Variants in ADK observed in about 807,000 individuals in gnomAD.
ADK encodes adenosine kinase.
In ADK, 24 loss-of-function variants were observed where a neutral mutation model predicts 44.7. The observed-to-expected ratio is 0.54, with a 90% CI of 0.39 to 0.76. The LOEUF (loss-of-function observed/expected upper bound fraction) is 0.76. Among genes scored for constraint, ADK ranks in the 30% least tolerant of loss-of-function variants. The pLI is 0.00. For missense variants in ADK, 321 were observed against 425.1 expected (o/e 0.76, Z 2.15); for synonymous variants, 128 against 142.6 (o/e 0.90, Z 0.73).
At chr10:74,394,695 G>A (rs1843447882) in intron 5 of ADK, among the ~76,000 whole-genome samples, 1 of 152,082 alleles carries the variant, frequency 6.6e-6, no homozygotes, top group Non-Finnish European at 1.5e-5. Flanking sequence ...GAGAGAGAGA[G>A]ACAGAGAGAC....
chr10:74,216,717 T>C (rs1339111252), intron 2 of ADK, among the ~76,000 whole-genome samples: 2 of 104,790 alleles, frequency 1.9e-5, no homozygotes, highest in Admixed American at 1.0e-4. Context: ...AGAGTGAAAC[T>C]CTGTCTCAAA....
In ADK at chr10:74,367,761, T is replaced by G. The variant is rs189517728; in HGVS notation, c.274-26380T>G. Among the ~76,000 whole-genome samples the G allele has an allele frequency of 1.3e-3, 201 of 152,338 alleles. 1 individual carries two copies. Among genetic ancestry groups the G allele is most frequent in the Middle Eastern group, 6.8e-3 (2 of 294 alleles). On this transcript the variant is annotated intron_variant, in intron 4 of 10. Transcript: ENST00000539909. ...CAATGCGTATTTAGTGCCATATTAATCACATTTTTTGTTGTTGATTTTTCT... is the reference window on the plus strand; with the variant it reads ...CAATGCGTATTTAGTGCCATATTAAGCACATTTTTTGTTGTTGATTTTTCT...
chr10:74,702,429 C>T (rs1423678298), intron 10 of ADK, among the ~76,000 whole-genome samples: 3 of 151,374 alleles, frequency 2.0e-5, no homozygotes, highest in Non-Finnish European at 4.4e-5. Context: ...TGATCCGCCC[C>T]CCTCGGCCTC....
intron 7 of ADK, among the ~76,000 whole-genome samples, chr10:74,536,487 A>AG: frequency 6.6e-6 from 1 of 151,838 alleles, no homozygotes; most frequent in East Asian, 1.9e-4. Flanking sequence ...CTGGTAAAAA[A>AG]AAAATACACA....
At chr10:74,237,269 A>G (rs1268992026) in intron 3 of ADK, among the ~76,000 whole-genome samples, 1 of 152,206 alleles carries the variant, frequency 6.6e-6, no homozygotes, top group Admixed American at 6.5e-5. Flanking sequence ...CTTCACCAGG[A>G]GTACATTCCA....
chr10:74,287,843 A>C (rs922462711), intron 3 of ADK, among the ~76,000 whole-genome samples: 1 of 151,502 alleles, frequency 6.6e-6, no homozygotes, highest in Admixed American at 6.6e-5. Context: ...TTAGCTGGGC[A>C]TGGTGGTACA....
At chr10:74,494,969 G>T (rs1847630402) in intron 6 of ADK, among the ~76,000 whole-genome samples, 1 of 152,194 alleles carries the variant, frequency 6.6e-6, no homozygotes, top group East Asian at 1.9e-4. Flanking sequence ...TGGAATTCTA[G>T]TGAGAAAATT....
At chr10:74,339,930 A>G (rs191063816) in intron 4 of ADK, among the ~76,000 whole-genome samples, 2 of 152,300 alleles carry the variant, frequency 1.3e-5, no homozygotes, top group East Asian at 1.9e-4. Flanking sequence ...TCTTTACTAT[A>G]TCAACACTGG....
chr10:74,239,789 G>A (rs1016047205), intron 3 of ADK, among the ~76,000 whole-genome samples: 2 of 150,352 alleles, frequency 1.3e-5, no homozygotes, highest in African/African-American at 4.9e-5. Flanking sequence ...AACAAAATAG[G>A]CTGTCATGTT....
intron 6 of ADK, among the ~76,000 whole-genome samples, chr10:74,405,822 C>G (rs1843903363): frequency 6.6e-6 from 1 of 152,186 alleles, no homozygotes. Flanking sequence ...GAAACAGCCA[C>G]TATTTCCAAA....
rs781032478 is a variant in ADK at position 74,580,943 on chromosome 10, G to C, written c.727-8339G>C. 5.3e-4 allele frequency among the ~76,000 whole-genome samples: 81 copies of C among 151,724 alleles called. 2 individuals are homozygous for C. The highest frequency in any genetic ancestry group is 2.1e-4 in the Non-Finnish European group (14 of 67,926). On this transcript the variant is annotated intron_variant, in intron 7 of 10. Transcript: ENST00000539909. ...CTAGCTACTTGAGAGGTGGAAACAA[G>C]AAGATAGCTTGAGCCCAGGATTTTG...
chr10:74,267,766 G>GTGTGTGTGTGTT (rs1846269380), intron 3 of ADK, among the ~76,000 whole-genome samples: 2 of 145,856 alleles, frequency 1.4e-5, no homozygotes. Flanking sequence ...GTGTGTGTGT[G>GTGTGTGTGTGTT]TGTGTGTGTG....
At position 74,347,438 on chromosome 10, in the gene ADK, C is replaced by T. The variant is rs757071423; in HGVS notation, c.273+32693C>T. 1.1e-4 allele frequency among the ~76,000 whole-genome samples: 17 copies of T among 152,092 alleles called. No individual in the cohort carries two copies. In the East Asian group the frequency reaches 1.4e-3, roughly 12 times the overall value. ...TTGCAATCCGCAGATCAGGAGATTC[C>T]GTCGTGTGCCTACACCACCAGGGCC... On this transcript the variant is annotated intron_variant, in intron 4 of 10. Transcript: ENST00000539909.
chr10:74,553,190 GTTTTTTTTTT>G (rs386371837), intron 7 of ADK, among the ~76,000 whole-genome samples: 20 of 60,436 alleles, frequency 3.3e-4, no homozygotes, highest in Admixed American at 3.0e-3. Context: ...AGCACATTGT[GTTTTTTTTTT>G]TTTTTTTTTT....
intron 6 of ADK, among the ~76,000 whole-genome samples, chr10:74,422,403 G>A (rs1210332414): frequency 1.3e-5 from 2 of 152,180 alleles, no homozygotes; most frequent in Non-Finnish European, 2.9e-5. Context: ...TAGTTTCCTG[G>A]ATCAGGTCCA....
chr10:74,379,899 A>T (rs11001021), intron 4 of ADK, among the ~76,000 whole-genome samples: 1 of 152,034 alleles, frequency 6.6e-6, no homozygotes, highest in South Asian at 2.1e-4. Flanking sequence ...TGGCTTGCAC[A>T]TGTAGTTCTA....
At chr10:74,445,397 A>C (rs1430673291) in intron 6 of ADK, among the ~76,000 whole-genome samples, 1 of 152,002 alleles carries the variant, frequency 6.6e-6, no homozygotes, top group Non-Finnish European at 1.5e-5. Flanking sequence ...CAATTATTAT[A>C]TCATTTTTAT....
chr10:74,275,570 G>A (rs1208812580), intron 3 of ADK, among the ~76,000 whole-genome samples: 1 of 152,192 alleles, frequency 6.6e-6, no homozygotes, highest in Non-Finnish European at 1.5e-5. Flanking sequence ...AACAATAGGA[G>A]CTTTCAGACA....
intron 6 of ADK, among the ~76,000 whole-genome samples, chr10:74,414,479 T>C (rs1478135348): frequency 6.6e-6 from 1 of 152,206 alleles, no homozygotes; most frequent in Non-Finnish European, 1.5e-5. Context: ...CTCACGCCTG[T>C]AATCCCAGCA....
Sources: allele counts gnomAD v4.1 joint callset (sites outside exome capture counted in the v4.1 genomes callset), GRCh38; gene constraint gnomAD v4.1.1; transcripts MANE v1.5; gene names NCBI Gene and HGNC (gene_info 2026-07-23, HGNC 2026-07-21).